PCDH15: variants seen among roughly 807,000 people sequenced by gnomAD.
The protein encoded by PCDH15 is protocadherin-15.
Under a neutral mutation model 178.5 loss-of-function variants are expected in PCDH15, and 129 were observed. The ratio of observed to expected loss-of-function variants is 0.72; its 90% CI spans 0.63 to 0.84. The LOEUF (loss-of-function observed/expected upper bound fraction) is 0.84. Among genes scored for constraint, PCDH15 ranks in the 40% least tolerant of loss-of-function variants. PCDH15 has a pLI of 0.00. For missense variants in PCDH15, 2,230 were observed against 2,099.9 expected, an observed-to-expected ratio of 1.06 and a Z score of -1.21; for synonymous variants, 800 against 732.0, an observed-to-expected ratio of 1.09 and a Z score of -1.50.
intron 2 of PCDH15, among the ~76,000 whole-genome samples, chr10:54,937,633 T>C (rs1837940889): frequency 6.6e-6 from 1 of 151,992 alleles, no homozygotes; most frequent in Non-Finnish European, 1.5e-5. Context: ...CACTAATGCA[T>C]AGTAATACAA....
intron 13 of PCDH15, among the ~76,000 whole-genome samples, chr10:54,178,746 A>G (rs1470052687): frequency 2.0e-5 from 3 of 152,054 alleles, no homozygotes; most frequent in Admixed American, 1.3e-4. Flanking sequence ...CCCCATCAAA[A>G]AGTGGGCAAA....
Position 54,421,914 on chromosome 10 carries a change from A to ATATATATATATACAC in PCDH15, c.158-42987_158-42973dup, listed in dbSNP as rs1565232289. 4.1e-3 allele frequency among the ~76,000 whole-genome samples: 84 copies of ATATATATATATACAC among 20,664 alleles called. 4 individuals are homozygous for ATATATATATATACAC. The highest frequency in any genetic ancestry group is 0.016 in the African/African-American group (61 of 3,716). The allele number at this position is 20,664 out of a possible 152,430, so 13.6% of individuals were successfully genotyped here. On this transcript the variant is annotated intron_variant, in intron 3 of 37. Coordinates refer to ENST00000644397, the MANE Select transcript of PCDH15 (RefSeq NM_001384140.1). ...CACACACTATATATATATATACACT[A>ATATATATATATACAC]TATATATATATACACTATATATATA...
chr10:55,320,407 C>T (rs2132298861), upstream of PCDH15, among the ~76,000 whole-genome samples: 1 of 152,108 alleles, frequency 6.6e-6, no homozygotes, highest in African/African-American at 2.4e-5. Flanking sequence ...GCATAGAGGC[C>T]AGTACTGCTA....
At chr10:53,956,901 C>G (rs555202620) in intron 23 of PCDH15, among the ~76,000 whole-genome samples, 1 of 152,090 alleles carries the variant, frequency 6.6e-6, no homozygotes, top group African/African-American at 2.4e-5. Flanking sequence ...TATGCAGAGA[C>G]GGTATGAAAT....
chr10:55,227,873 C>T lies in PCDH15; in HGVS notation c.-155-61222G>A, dbSNP rs560291264. Among the ~76,000 whole-genome samples, 102 of 152,210 alleles carry T rather than the reference C, an allele frequency of 6.7e-4. 1 individual carries two copies. In the South Asian group the frequency reaches 0.02, roughly 29 times the overall value. The stretch of plus-strand genomic sequence containing the variant: ...TGAAAAAATCAATCCTCACCTTATA[C>T]AGTAACCACAAAACATACATAATTT... On this transcript the variant is annotated intron_variant, in intron 1 of 5. Coordinates refer to the PCDH15 transcript ENST00000458638.
intron 2 of PCDH15, among the ~76,000 whole-genome samples, chr10:55,438,731 G>T (rs1032485815): frequency 2.6e-5 from 4 of 151,446 alleles, no homozygotes; most frequent in Admixed American, 6.6e-5. Context: ...TCACAAAACA[G>T]GAAAATGACA....
rs371025094 is a variant in PCDH15 at position 53,938,867 on chromosome 10, G to C, written c.3321C>G (p.Val1107=). ...GGACCACTTCCAGGGAATCAGCTTGGACTCGAAGTACATAGCTTGTCCTGG... is the reference window on the plus strand; with the variant it reads ...GGACCACTTCCAGGGAATCAGCTTGCACTCGAAGTACATAGCTTGTCCTGG... ...YETRTSYVLR[V]QADSLEVVLA... Residue 1107 remains valine (V), a synonymous_variant, in exon 25 of 38, where the codon GTC becomes GTG. Transcript: ENST00000644397. 2 of 1,613,434 alleles carry C rather than the reference G, an allele frequency of 1.2e-6. No homozygotes were observed. Among genetic ancestry groups the C allele is most frequent in the Non-Finnish European group, 1.7e-6 (2 of 1,179,652 alleles).
chr10:54,056,598 T>C lies in PCDH15; in HGVS notation c.2220+10159A>G, dbSNP rs570914883. Among the ~76,000 whole-genome samples, 9 of 152,120 alleles carry C rather than the reference T, an allele frequency of 5.9e-5. No individual in the cohort carries two copies. The South Asian group carries it at 1.9e-3, about 32-fold the overall frequency. ...CAATTATCTTCACCTGGCCCCTCCC[T>C]TGACACATGGGGATTATAATTCAAG... On this transcript the variant is annotated intron_variant, in intron 18 of 37. Transcript: ENST00000644397.
intron 1 of PCDH15, among the ~76,000 whole-genome samples, chr10:55,296,940 A>G (rs1160835661): frequency 1.3e-5 from 2 of 152,154 alleles, no homozygotes; most frequent in Non-Finnish European, 2.9e-5. Context: ...TTGTAATTGT[A>G]TAATTGTATT....
At chr10:54,976,091 A>G (rs1431879428) in intron 2 of PCDH15, among the ~76,000 whole-genome samples, 1 of 152,196 alleles carries the variant, frequency 6.6e-6, no homozygotes, top group Non-Finnish European at 1.5e-5. Flanking sequence ...CAGCCTAGCA[A>G]TTATCTTTTC....
chr10:54,951,149 C>T (rs1436550549), intron 2 of PCDH15, among the ~76,000 whole-genome samples: 2 of 151,854 alleles, frequency 1.3e-5, no homozygotes, highest in Non-Finnish European at 2.9e-5. Context: ...TAGAGAATGA[C>T]ATGTGTCCAC....
intron 32 of PCDH15, chr10:53,823,770 A>AG: frequency 2.2e-6 from 1 of 453,874 alleles, no homozygotes; most frequent in Non-Finnish European, 4.4e-6. Flanking sequence ...TACGCATAGA[A>AG]GATTCTTAGC....
chr10:55,070,184 T>C (rs544139524), intron 2 of PCDH15, among the ~76,000 whole-genome samples: 28 of 152,212 alleles, frequency 1.8e-4, no homozygotes, highest in Admixed American at 1.2e-3. Flanking sequence ...ATTAGCCCTT[T>C]GTCAGATGAG....
rs1589781357 is a variant in PCDH15 at position 53,987,884 on chromosome 10, G to T, written c.2868+7765C>A. On this transcript the variant is annotated intron_variant, in intron 21 of 37. Transcript: ENST00000644397. ...CATCTTGTCAGTCTTTAATTTCTCT[G>T]GCTCTTTCCACTAATCAGTCCTTGA... Among the ~76,000 whole-genome samples, 3 of 152,170 alleles carry T rather than the reference G, an allele frequency of 2.0e-5. 1 individual carries two copies. Among genetic ancestry groups the T allele is most frequent in the Admixed American group, 2.0e-4 (3 of 15,292 alleles).
chr10:54,704,128 A>G (rs1165276872), intron 1 of PCDH15, among the ~76,000 whole-genome samples: 1 of 152,144 alleles, frequency 6.6e-6, no homozygotes, highest in Non-Finnish European at 1.5e-5. Context: ...ATACTTCAAT[A>G]TAAAACTCAA....
rs1323418900 is a variant in PCDH15 at position 54,307,100 on chromosome 10, GTGTGTATATATA to G, written c.876+10159_876+10170del. Among the ~76,000 whole-genome samples, 157 of 15,524 alleles carry G rather than the reference GTGTGTATATATA, an allele frequency of 0.01. 15 individuals are homozygous for G. The South Asian group carries it at 0.14, about 14-fold the overall frequency. The allele number at this position is 15,524 out of a possible 152,430, so 10.2% of individuals were successfully genotyped here. On this transcript the variant is annotated intron_variant, in intron 8 of 37. Coordinates refer to ENST00000644397, the MANE Select transcript of PCDH15 (RefSeq NM_001384140.1). ...TATATACATATATATATATGTGTGT[GTGTGTATATATA>G]TATATATATATATATATATATATAT...
intron 2 of PCDH15, among the ~76,000 whole-genome samples, chr10:55,110,266 C>T (rs1564806293): frequency 6.6e-6 from 1 of 151,956 alleles, no homozygotes; most frequent in Admixed American, 6.6e-5. Flanking sequence ...ACAGAAATCA[C>T]AACAGGGGTT....
intron 14 of PCDH15, among the ~76,000 whole-genome samples, chr10:54,138,912 T>G (rs571779847): frequency 6.6e-6 from 1 of 152,266 alleles, no homozygotes; most frequent in Non-Finnish European, 1.5e-5. Context: ...ACGTTTTTTT[T>G]TGTCTACCAA....
intron 1 of PCDH15, among the ~76,000 whole-genome samples, chr10:55,251,810 G>T (rs974133725): frequency 1.3e-5 from 2 of 151,974 alleles, no homozygotes; most frequent in African/African-American, 4.8e-5. Flanking sequence ...TATTTTCAAG[G>T]CTTAACAAAA....
Sources: allele counts gnomAD v4.1 joint callset (sites outside exome capture counted in the v4.1 genomes callset), GRCh38; gene constraint gnomAD v4.1.1; transcripts MANE v1.5; gene names NCBI Gene and HGNC (gene_info 2026-07-23, HGNC 2026-07-21).